COPS3: variants seen among roughly 807,000 people sequenced by gnomAD.
The protein encoded by COPS3 is COP9 signalosome subunit 3.
A neutral mutation model predicts 58.2 loss-of-function variants in COPS3; 10 were observed. The ratio of observed to expected loss-of-function variants is 0.17; its 90% CI spans 0.11 to 0.29. The LOEUF is 0.29. Among genes scored for constraint, COPS3 ranks in the 10% least tolerant of loss-of-function variants. The pLI, the probability that COPS3 is intolerant of heterozygous loss-of-function variation, is 1.00. For missense variants in COPS3, 333 were observed against 510.1 expected, an observed-to-expected ratio of 0.65 and a Z score of 3.34; for synonymous variants, 187 against 181.7, an observed-to-expected ratio of 1.03 and a Z score of -0.24.
At chr17:17,271,561 T>A (rs1286540803) in intron 2 of COPS3, among the ~76,000 whole-genome samples, 1 of 152,162 alleles carries the variant, frequency 6.6e-6, no homozygotes, top group Non-Finnish European at 1.5e-5. Flanking sequence ...GGCTCATGCC[T>A]GTAATCCCAG....
chr17:17,274,358 G>A (rs981859032), intron 2 of COPS3, among the ~76,000 whole-genome samples: 2 of 151,772 alleles, frequency 1.3e-5, no homozygotes, highest in Non-Finnish European at 2.9e-5. Context: ...ACATTGTTAA[G>A]TCAAATAATA....
At chr17:17,275,038 T>C (rs57231425) in intron 2 of COPS3, among the ~76,000 whole-genome samples, 2,768 of 151,948 alleles carry the variant, frequency 0.018, 95 homozygotes, top group African/African-American at 0.064. Flanking sequence ...AGCCAGCCCA[T>C]AGCTCTCACT....
chr17:17,281,206 G>C lies in COPS3; in HGVS notation c.-20C>G. 1 of 1,605,774 alleles carries C rather than the reference G, an allele frequency of 6.2e-7. No individual in the cohort carries two copies. Among genetic ancestry groups the C allele is most frequent in the Non-Finnish European group, 8.5e-7 (1 of 1,176,548 alleles). ...CGCCATGTTTTCCCCCGGGCGGCCC[G>C]AGCGGCGAAGGCAGCACGCGCGGGA... is the stretch of plus-strand genomic sequence containing the variant. On this transcript the variant is annotated 5_prime_UTR_variant, in exon 1 of 12. Transcript: ENST00000268717.
intron 4 of COPS3, among the ~76,000 whole-genome samples, chr17:17,268,479 C>T (rs2048275411): frequency 1.3e-5 from 2 of 152,172 alleles, no homozygotes; most frequent in South Asian, 4.1e-4. Context: ...ATAAGAAGAC[C>T]AAGTGTCAAG....
chr17:17,271,412 G>A (rs997708965), intron 2 of COPS3, among the ~76,000 whole-genome samples: 3 of 149,980 alleles, frequency 2.0e-5, no homozygotes, highest in Non-Finnish European at 4.5e-5. Context: ...CTGGGTGACA[G>A]AGCAAGATCC....
chr17:17,253,104 T>C (rs554719928), intron 9 of COPS3, among the ~76,000 whole-genome samples: 1 of 152,222 alleles, frequency 6.6e-6, no homozygotes, highest in African/African-American at 2.4e-5. Flanking sequence ...CACACATCTG[T>C]AGTCACAGCT....
chr17:17,256,829 T>C (rs1281204500), intron 8 of COPS3, among the ~76,000 whole-genome samples: 1 of 152,138 alleles, frequency 6.6e-6, no homozygotes, highest in African/African-American at 2.4e-5. Context: ...GGTTTCAACG[T>C]ATCTTCCTGC....
intron 1 of COPS3, among the ~76,000 whole-genome samples, chr17:17,277,898 A>G (rs2048494148): frequency 6.6e-6 from 1 of 152,050 alleles, no homozygotes; most frequent in East Asian, 1.9e-4. Flanking sequence ...CTTTGGGAGG[A>G]TAAGGTGGGC....
At chr17:17,267,769 C>T (rs544721357) in intron 5 of COPS3, 116 bp downstream of exon 5, 6 of 1,024,722 alleles carry the variant, frequency 5.9e-6, no homozygotes, top group Non-Finnish European at 8.5e-6. Context: ...ATTCCAACTT[C>T]TATAACACAT....
At chr17:17,261,264 C>T (rs977799371) in intron 7 of COPS3, among the ~76,000 whole-genome samples, 2 of 152,144 alleles carry the variant, frequency 1.3e-5, no homozygotes, top group Non-Finnish European at 2.9e-5. Context: ...TGGTGGCTCA[C>T]GCCTGTAATC....
chr17:17,261,722 T>C (rs566170784), intron 7 of COPS3: 21 of 468,342 alleles, frequency 4.5e-5, no homozygotes, highest in South Asian at 9.8e-5. Context: ...TCAACTGTTA[T>C]AGGAGCTTAA....
chr17:17,254,527 C>T (rs2047919343), intron 9 of COPS3, among the ~76,000 whole-genome samples: 1 of 152,022 alleles, frequency 6.6e-6, no homozygotes, highest in Non-Finnish European at 1.5e-5. Flanking sequence ...AAATGAAAAT[C>T]AAGGCCAGGC....
At chr17:17,262,541 A>G (rs564076900) in intron 6 of COPS3, among the ~76,000 whole-genome samples, 3 of 152,164 alleles carry the variant, frequency 2.0e-5, no homozygotes, top group African/African-American at 7.2e-5. Flanking sequence ...CAACCTGGCT[A>G]ACACAGTGAA....
chr17:17,271,828 AT>A (rs1185555263), intron 2 of COPS3, among the ~76,000 whole-genome samples: 1 of 76,710 alleles, frequency 1.3e-5, no homozygotes, highest in Non-Finnish European at 2.7e-5. Flanking sequence ...CAAAAAAAAA[AT>A]CTATATATAT....
chr17:17,277,936 C>A (rs890428598), intron 1 of COPS3, among the ~76,000 whole-genome samples: 1 of 151,974 alleles, frequency 6.6e-6, no homozygotes, highest in Non-Finnish European at 1.5e-5. Flanking sequence ...GAGTTCAAGA[C>A]CAGGCTGGCC....
Position 17,276,139 on chromosome 17 carries a change from C to G in COPS3, c.81G>C (p.Leu27=), listed in dbSNP as rs2048456959. Reference sequence around the variant, plus strand: ...CAAGGAGTTCCCCACTCTTGTTGATCAGTTCACAAAGCTGTGTCATTTGCC... The same window carrying G: ...CAAGGAGTTCCCCACTCTTGTTGATGAGTTCACAAAGCTGTGTCATTTGCC... ...AQGQMTQLCE[L]INKSGELLAK... The change falls in exon 2 of 12, where the codon CTG becomes CTC. Residue 27 remains leucine (L), a synonymous_variant. Coordinates refer to ENST00000268717, the MANE Select transcript of COPS3 (RefSeq NM_003653.4). The G allele has an allele frequency of 2.5e-6, 4 of 1,613,972 alleles. No individual in the cohort carries two copies. Among genetic ancestry groups the G allele is most frequent in the South Asian group, 1.1e-5 (1 of 91,060 alleles).
intron 9 of COPS3, 103 bp from the exon 10 acceptor site, chr17:17,249,142 A>G: frequency 1.6e-6 from 1 of 643,176 alleles, no homozygotes; most frequent in Non-Finnish European, 2.7e-6. Context: ...GGCAACATGG[A>G]TATAAATAAA....
intron 8 of COPS3, among the ~76,000 whole-genome samples, chr17:17,257,796 CAA>C (rs1387883200): frequency 2.0e-4 from 12 of 60,132 alleles, no homozygotes; most frequent in Middle Eastern, 0.012. Flanking sequence ...GACTCCGTCT[CAA>C]AAAAAAAAAA....
chr17:17,266,220 G>A (rs762638494), intron 5 of COPS3, among the ~76,000 whole-genome samples: 45 of 152,200 alleles, frequency 3.0e-4, no homozygotes, highest in Admixed American at 5.2e-4. Flanking sequence ...AGAATACTCC[G>A]TACCTGTAGA....
Sources: allele counts gnomAD v4.1 joint callset (sites outside exome capture counted in the v4.1 genomes callset), GRCh38; gene constraint gnomAD v4.1.1; transcripts MANE v1.5; gene names NCBI Gene and HGNC (gene_info 2026-07-23, HGNC 2026-07-21).